The following PPP2R2C variants were observed in gnomAD, a reference collection of about 807,000 sequenced individuals.
The protein encoded by PPP2R2C is protein phosphatase 2, regulatory subunit B, gamma.
Under a neutral mutation model 45.3 loss-of-function variants are expected in PPP2R2C, and 10 were observed. That is an observed-to-expected ratio of 0.22 (90% CI 0.14 to 0.37). The LOEUF (loss-of-function observed/expected upper bound fraction) is 0.37. PPP2R2C is among the 10% of genes least tolerant of loss of function. The pLI is 1.00. For synonymous variants in PPP2R2C, 257 were observed against 245.4 expected (o/e 1.05, Z -0.44); for missense variants, 308 against 619.7 (o/e 0.50, Z 5.34).
chr4:6,347,821 C>A, intron 6 of PPP2R2C, 25 bp downstream of exon 6: 1 of 1,584,834 alleles, frequency 6.3e-7, no homozygotes, highest in South Asian at 1.1e-5. Context: ...TGCACAGCCC[C>A]CCACCCCCAG....
chr4:6,364,164 G>C lies in PPP2R2C; in HGVS notation c.625+8359C>G, dbSNP rs1714062856. The stretch of plus-strand genomic sequence containing the variant: ...GCTCGAGGGAGTCATGGAGGGGATG[G>C]ACTAGTTCCGACAGACTGGTCAAGG... On this transcript the variant is annotated intron_variant, in intron 5 of 8. Coordinates refer to ENST00000382599, the MANE Select transcript of PPP2R2C (RefSeq NM_020416.4). This position sits in a 1 kb window ranked among gnomAD's most constrained non-coding sequence, Gnocchi z 5.3. Among the ~76,000 whole-genome samples the C allele has an allele frequency of 6.6e-6, 1 of 152,222 alleles. No homozygotes were observed. Among genetic ancestry groups the C allele is most frequent in the South Asian group, 2.1e-4 (1 of 4,834 alleles).
intron 2 of PPP2R2C, among the ~76,000 whole-genome samples, chr4:6,506,870 T>C (rs1190376422): frequency 6.6e-6 from 1 of 152,200 alleles, no homozygotes; most frequent in Non-Finnish European, 1.5e-5. Flanking sequence ...CACTTGGGGC[T>C]GTCAACATAT....
intron 5 of PPP2R2C, chr4:6,350,394 G>A (rs1712432557): frequency 1.0e-6 from 1 of 985,310 alleles, no homozygotes; most frequent in Admixed American, 6.1e-5. Context: ...TAGTGCGACG[G>A]CCCATGGATA....
chr4:6,557,773 T>G (rs1168259114), intron 1 of PPP2R2C, among the ~76,000 whole-genome samples: 1 of 151,886 alleles, frequency 6.6e-6, no homozygotes, highest in African/African-American at 2.4e-5. Flanking sequence ...GTAGTAGAGA[T>G]GAAGAAGGAG....
rs1041108873 is a variant in PPP2R2C, at chr4:6,321,285, T to C, written c.*2017A>G. The C allele has an allele frequency of 3.9e-5, 6 of 152,448 alleles. No homozygotes were observed. Among genetic ancestry groups the C allele is most frequent in the Admixed American group, 6.5e-5 (1 of 15,286 alleles). 9.4% of individuals were successfully genotyped at this position (152,448 alleles called of 1,614,324 possible). On this transcript the variant is annotated 3_prime_UTR_variant, in exon 9 of 9. Transcript: ENST00000382599. Reference sequence around the variant, plus strand: ...TGGATCGTAGCAAATATCCAAGTAATGGGTAAGGCCCTCAGAGCTGGGTTT... The same window carrying C: ...TGGATCGTAGCAAATATCCAAGTAACGGGTAAGGCCCTCAGAGCTGGGTTT...
At chr4:6,528,185 C>A (rs1284164043) in intron 2 of PPP2R2C, among the ~76,000 whole-genome samples, 1 of 152,248 alleles carries the variant, frequency 6.6e-6, no homozygotes, top group East Asian at 1.9e-4. Flanking sequence ...TCGGCCCCTG[C>A]CCGGGCAAAC....
chr4:6,385,203 G>T (rs114159841), intron 1 of PPP2R2C, among the ~76,000 whole-genome samples: 1 of 152,096 alleles, frequency 6.6e-6, no homozygotes, highest in East Asian at 1.9e-4. Context: ...TACCAGTCCC[G>T]CCAGTCGCTC....
At chr4:6,528,219 A>G (rs1260446208) in intron 2 of PPP2R2C, among the ~76,000 whole-genome samples, 1 of 152,202 alleles carries the variant, frequency 6.6e-6, no homozygotes, top group African/African-American at 2.4e-5. Context: ...CCCGGCCTGC[A>G]AAGCCCGCCC....
intron 6 of PPP2R2C, among the ~76,000 whole-genome samples, chr4:6,339,876 G>T (rs1398903013): frequency 6.6e-6 from 1 of 152,218 alleles, no homozygotes; most frequent in Non-Finnish European, 1.5e-5. Flanking sequence ...CTCACCTCAG[G>T]CCGCGCTCCA....
At chr4:6,393,569 G>A (rs1017716110) in intron 1 of PPP2R2C, among the ~76,000 whole-genome samples, 18 of 152,156 alleles carry the variant, frequency 1.2e-4, no homozygotes, top group Non-Finnish European at 2.4e-4. Context: ...CCATGGCCCC[G>A]GCCTCCAACC....
intron 1 of PPP2R2C, among the ~76,000 whole-genome samples, chr4:6,386,404 C>T (rs970178553): frequency 2.0e-5 from 3 of 152,214 alleles, no homozygotes; most frequent in African/African-American, 7.2e-5. Context: ...CAAGACAGAT[C>T]CCCAGAGGGG....
At position 6,321,010 on chromosome 4, in the gene PPP2R2C, A is replaced by G. The variant is rs1189530246; in HGVS notation, c.*2292T>C. 2 of 152,142 alleles carry G rather than the reference A, an allele frequency of 1.3e-5. No homozygotes were observed. The highest frequency in any genetic ancestry group is 2.4e-5 in the African/African-American group (1 of 41,442). The allele number at this position is 152,142 out of a possible 1,614,324, so 9.4% of individuals were successfully genotyped here. ...ATCTTCACAATTTGCTTTGGACATCATTATTTTCCAGGGATCCAGAGACAT... is the reference window on the plus strand; with the variant it reads ...ATCTTCACAATTTGCTTTGGACATCGTTATTTTCCAGGGATCCAGAGACAT... On this transcript the variant is annotated 3_prime_UTR_variant, in exon 9 of 9. Coordinates refer to ENST00000382599, the MANE Select transcript of PPP2R2C (RefSeq NM_020416.4).
chr4:6,425,649 C>T (rs987159610), intron 1 of PPP2R2C, among the ~76,000 whole-genome samples: 1 of 152,216 alleles, frequency 6.6e-6, no homozygotes, highest in East Asian at 1.9e-4. Flanking sequence ...TTGCAATTTC[C>T]CCTTCATCAC....
chr4:6,333,472 G>A (rs1732581037), intron 7 of PPP2R2C, 90 bp downstream of exon 7: 1 of 1,448,990 alleles, frequency 6.9e-7, no homozygotes. Flanking sequence ...GCATATGAAA[G>A]CCACGCCTGG....
intron 1 of PPP2R2C, among the ~76,000 whole-genome samples, chr4:6,456,425 C>T (rs1354498483): frequency 1.2e-4 from 18 of 152,062 alleles, no homozygotes; most frequent in Non-Finnish European, 5.9e-5. Flanking sequence ...CACAACTTAG[C>T]TCGCAGAGTC....
intron 8 of PPP2R2C, among the ~76,000 whole-genome samples, chr4:6,325,224 C>T (rs1731848883): frequency 6.6e-6 from 1 of 152,252 alleles, no homozygotes; most frequent in South Asian, 2.1e-4. Flanking sequence ...CCCTGGTGAG[C>T]GTGAATCAGG....
chr4:6,541,180 A>C (rs1724793171), intron 1 of PPP2R2C, among the ~76,000 whole-genome samples: 1 of 152,044 alleles, frequency 6.6e-6, no homozygotes, highest in South Asian at 2.1e-4. Context: ...TCCCATGGCC[A>C]CCTCTGCTGA....
At chr4:6,344,587 C>T (rs1711649478) in intron 6 of PPP2R2C, among the ~76,000 whole-genome samples, 1 of 152,178 alleles carries the variant, frequency 6.6e-6, no homozygotes, top group African/African-American at 2.4e-5. Context: ...TCTCTAAATT[C>T]CACCCTTCCT....
chr4:6,414,854 T>C (rs893995961), intron 1 of PPP2R2C, among the ~76,000 whole-genome samples: 2 of 152,148 alleles, frequency 1.3e-5, no homozygotes, highest in African/African-American at 2.4e-5. Context: ...AAAGCCCGGA[T>C]GAAAAGCCTT....
Sources: gnomAD v4.1 joint callset for allele counts (sites outside exome capture counted in the v4.1 genomes callset) on GRCh38, gnomAD v4.1.1 for gene constraint, Gnocchi (gnomAD v3.1) non-coding constraint, MANE v1.5 for transcripts, NCBI Gene and HGNC (gene_info 2026-07-23, HGNC 2026-07-21) for gene names.